Variants in NF2 observed in about 807,000 individuals in gnomAD.
The protein encoded by NF2 is merlin.
A neutral mutation model predicts 83.7 loss-of-function variants in NF2; 8 were observed. The ratio of observed to expected loss-of-function variants is 0.10; its 90% CI spans 0.06 to 0.17. The LOEUF (loss-of-function observed/expected upper bound fraction) is 0.17, where lower values mean the gene tolerates loss of function less well. NF2 is among the 10% of genes least tolerant of loss of function. The pLI, the probability that NF2 is intolerant of heterozygous loss-of-function variation, is 1.00. For synonymous variants in NF2, 266 were observed against 269.6 expected, an observed-to-expected ratio of 0.99 and a Z score of 0.13; for missense variants, 533 against 744.4, an observed-to-expected ratio of 0.72 and a Z score of 3.31.
intron 15 of NF2, among the ~76,000 whole-genome samples, chr22:29,690,809 C>G (rs781651810): frequency 6.6e-6 from 1 of 152,224 alleles, no homozygotes; most frequent in African/African-American, 2.4e-5. Flanking sequence ...TTGTAGGCAT[C>G]TTCAGGGAAC....
intron 1 of NF2, among the ~76,000 whole-genome samples, chr22:29,612,351 G>T (rs1174187675): frequency 1.3e-5 from 2 of 150,766 alleles, no homozygotes; most frequent in Non-Finnish European, 3.0e-5. Context: ...TTTTTTCTCG[G>T]ACTTGCACTG....
intron 1 of NF2, among the ~76,000 whole-genome samples, chr22:29,626,152 AC>A (rs905194400): frequency 2.9e-5 from 4 of 136,126 alleles, no homozygotes; most frequent in African/African-American, 7.9e-5. Flanking sequence ...CCATCTGCAG[AC>A]TTTTTTTTTT....
In NF2 at chr22:29,697,691, C is replaced by T. The variant is rs575435924; in HGVS notation, c.*2889C>T. On this transcript the variant is annotated 3_prime_UTR_variant, in exon 16 of 16. Transcript: ENST00000338641. ...AAGCAATTCTCCTGCCTCAGCCTCCCGAGTAGCTGGGATTACAGGCACGCA... is the reference window on the plus strand; with the variant it reads ...AAGCAATTCTCCTGCCTCAGCCTCCTGAGTAGCTGGGATTACAGGCACGCA... 59 of 173,956 alleles carry T rather than the reference C, an allele frequency of 3.4e-4. No individual in the cohort carries two copies. In the East Asian group the frequency reaches 5.4e-3, roughly 16 times the overall value. The allele number at this position is 173,956 out of a possible 1,614,324, so 10.8% of individuals were successfully genotyped here.
At chr22:29,612,430 C>G (rs928570702) in intron 1 of NF2, among the ~76,000 whole-genome samples, 1 of 151,630 alleles carries the variant, frequency 6.6e-6, no homozygotes, top group African/African-American at 2.4e-5. Context: ...TTAAGTGATC[C>G]TCCTATATCA....
chr22:29,623,457 C>A (rs999224064), intron 1 of NF2, among the ~76,000 whole-genome samples: 1 of 152,116 alleles, frequency 6.6e-6, no homozygotes, highest in African/African-American at 2.4e-5. Flanking sequence ...AGAAGGCAAA[C>A]GCTTTGGGCA....
At chr22:29,691,618 C>T (rs2067406351) in intron 15 of NF2, among the ~76,000 whole-genome samples, 2 of 152,234 alleles carry the variant, frequency 1.3e-5, no homozygotes, top group African/African-American at 4.8e-5. Flanking sequence ...TTTATGAATA[C>T]TTCCTGCCTA....
chr22:29,684,528 G>A (rs6006225), intron 15 of NF2, among the ~76,000 whole-genome samples: 21,457 of 152,170 alleles, frequency 0.14, 1,658 homozygotes, highest in African/African-American at 0.19. Flanking sequence ...ATTCTTCAGG[G>A]TCCTGATTTT....
intron 10 of NF2, 141 bp from the exon 11 acceptor site, chr22:29,671,685 G>T (rs927040632): frequency 4.9e-5 from 59 of 1,198,262 alleles, no homozygotes; most frequent in African/African-American, 1.5e-5. Context: ...GGGGCAATAA[G>T]AATGACCCTG....
intron 4 of NF2, among the ~76,000 whole-genome samples, chr22:29,645,082 A>G (rs146879534): frequency 0.021 from 3,148 of 152,266 alleles, 61 homozygotes; most frequent in Middle Eastern, 0.044. Context: ...AATACTCTTA[A>G]CTCACTTTTT....
intron 1 of NF2, among the ~76,000 whole-genome samples, chr22:29,613,231 A>G (rs1202952474): frequency 6.6e-6 from 1 of 151,398 alleles, no homozygotes; most frequent in African/African-American, 2.4e-5. Context: ...CTATAAAACA[A>G]CTAATCAAGA....
intron 2 of NF2, among the ~76,000 whole-genome samples, chr22:29,637,509 A>G (rs1453012392): frequency 6.6e-6 from 1 of 152,170 alleles, no homozygotes; most frequent in Middle Eastern, 3.2e-3. Flanking sequence ...ACACAAGGAT[A>G]CACTTGCTTA....
intron 15 of NF2, among the ~76,000 whole-genome samples, chr22:29,686,239 C>T (rs1852951068): frequency 6.6e-6 from 1 of 152,212 alleles, no homozygotes; most frequent in African/African-American, 2.4e-5. Flanking sequence ...CAGCAAAGGG[C>T]GAAGGACGGC....
chr22:29,693,971 G>A (rs953895641), intron 15 of NF2, among the ~76,000 whole-genome samples: 2 of 152,210 alleles, frequency 1.3e-5, no homozygotes, highest in Non-Finnish European at 2.9e-5. Context: ...CCAGGGAGAT[G>A]CTGGGAAGTG....
At chr22:29,685,071 A>G (rs1177991775) in intron 15 of NF2, among the ~76,000 whole-genome samples, 2 of 151,474 alleles carry the variant, frequency 1.3e-5, no homozygotes, top group African/African-American at 2.4e-5. Flanking sequence ...ACAGTTTCCA[A>G]TGTCCAAAAG....
At chr22:29,669,952 G>T (rs2066732289) in intron 10 of NF2, among the ~76,000 whole-genome samples, 1 of 152,038 alleles carries the variant, frequency 6.6e-6, no homozygotes, top group Non-Finnish European at 1.5e-5. Context: ...TTTTATATTG[G>T]GGTAGAGGTC....
In NF2 at chr22:29,657,520, G is replaced by A. The variant is rs1601617384; in HGVS notation, c.600-669G>A. Among the ~76,000 whole-genome samples, 9 of 152,166 alleles carry A rather than the reference G, an allele frequency of 5.9e-5. No homozygotes were observed. The South Asian group carries it at 1.9e-3, about 32-fold the overall frequency. Reference sequence around the variant, plus strand: ...CCAACACTTGGCGTTCTCTCAGGCTGGGTTTTTAAAAATTCATTGAGAGCA... The same window carrying A: ...CCAACACTTGGCGTTCTCTCAGGCTAGGTTTTTAAAAATTCATTGAGAGCA... On this transcript the variant is annotated intron_variant, in intron 6 of 15. Transcript: ENST00000338641.
At chr22:29,652,678 T>C (rs1240301418) in intron 4 of NF2, among the ~76,000 whole-genome samples, 1 of 152,208 alleles carries the variant, frequency 6.6e-6, no homozygotes, top group African/African-American at 2.4e-5. Flanking sequence ...AATACTATTA[T>C]TATTCCTGTT....
rs183916776 is a variant in NF2 at position 29,668,301 on chromosome 22, A to G, written c.886-32A>G. The G allele has an allele frequency of 1.0e-4, 161 of 1,547,064 alleles. 1 individual carries two copies. In the African/African-American group the frequency reaches 1.9e-3, roughly 18 times the overall value. ...TAGGCAGTGAAGTAAATTTGTGGATATTAACCTTTTTGTCTGCTTCTGTGG... is the reference window on the plus strand; with the variant it reads ...TAGGCAGTGAAGTAAATTTGTGGATGTTAACCTTTTTGTCTGCTTCTGTGG... On this transcript the variant is annotated intron_variant, in intron 9 of 15. Transcript: ENST00000338641.
intron 14 of NF2, among the ~76,000 whole-genome samples, chr22:29,680,356 C>T (rs1407216193): frequency 1.3e-5 from 2 of 152,206 alleles, no homozygotes; most frequent in Admixed American, 1.3e-4. Flanking sequence ...ATGATCCGCC[C>T]ACCTTGGCCT....
Sources: gnomAD v4.1 joint callset for allele counts (sites outside exome capture counted in the v4.1 genomes callset) on GRCh38, gnomAD v4.1.1 for gene constraint, MANE v1.5 for transcripts, NCBI Gene and HGNC (gene_info 2026-07-23, HGNC 2026-07-21) for gene names.